The following GCC2 variants were observed in gnomAD, a reference collection of about 807,000 sequenced individuals.
GCC2 encodes the protein GRIP and coiled-coil domain containing 2, also known as GRIP and coiled-coil domain-containing protein 2.
Under a neutral mutation model 210.6 loss-of-function variants are expected in GCC2, and 120 were observed. The ratio of observed to expected loss-of-function variants is 0.57; its 90% CI spans 0.49 to 0.66. The LOEUF (loss-of-function observed/expected upper bound fraction) is 0.66, where lower values mean the gene tolerates loss of function less well. GCC2 is among the 30% of genes least tolerant of loss of function. GCC2 has a pLI of 0.00. For synonymous variants in GCC2, 703 were observed against 652.7 expected (o/e 1.08, Z -1.17); for missense variants, 1,868 against 1,871.9 (o/e 1.00, Z 0.04).
chr2:108,472,161 C>A, intron 6 of GCC2, 45 bp downstream of exon 6: 2 of 1,292,506 alleles, frequency 1.5e-6, no homozygotes, highest in Non-Finnish European at 2.1e-6. Context: ...ATTCTTAGTT[C>A]AACTCTACAA....
At chr2:108,506,875 A>G (rs553528658) in intron 22 of GCC2, among the ~76,000 whole-genome samples, 19 of 152,276 alleles carry the variant, frequency 1.2e-4, no homozygotes, top group African/African-American at 4.1e-4. Context: ...TTCAGAATAG[A>G]AGAAGAATTT....
chr2:108,485,568 T>C, intron 13 of GCC2, 68 bp from the exon 14 acceptor site: 1 of 797,438 alleles, frequency 1.3e-6, no homozygotes, highest in South Asian at 1.9e-5. Context: ...AGAAGACATA[T>C]TTGTGTATTT....
At position 108,470,536 on chromosome 2, in the gene GCC2, A is replaced by G; in HGVS notation, c.1207A>G (p.Lys403Glu). 6.2e-7 allele frequency: 1 copy of G among 1,606,410 alleles called. No individual in the cohort carries two copies. Among genetic ancestry groups the G allele is most frequent in the African/African-American group, 1.3e-5 (1 of 74,458 alleles). The change falls in exon 6 of 23, where the codon AAA becomes GAA. Residue 403 changes from lysine (K) to glutamate (E), a missense_variant. Physicochemically the swap from Lys to Glu is moderately conservative, Grantham distance 56 (BLOSUM62 1). Coordinates refer to ENST00000309863, the MANE Select transcript of GCC2 (RefSeq NM_181453.4). ...AKEEQGCVIE[K>E]LKSELAGLNK... ...AGAAGAACAGGGCTGTGTAATTGAA[A>G]AATTAAAATCTGAGCTAGCAGGTTT...
intron 13 of GCC2, among the ~76,000 whole-genome samples, 169 bp from the exon 14 acceptor site, chr2:108,485,467 G>GA (rs746836034): frequency 4.6e-5 from 7 of 152,148 alleles, no homozygotes; most frequent in Non-Finnish European, 8.8e-5. Context: ...GGGTACAGTA[G>GA]AGTTTATGGC....
At chr2:108,458,181 C>A (rs79809908) in intron 4 of GCC2, among the ~76,000 whole-genome samples, 1 of 151,972 alleles carries the variant, frequency 6.6e-6, no homozygotes, top group Non-Finnish European at 1.5e-5. Flanking sequence ...AGATGACATA[C>A]GACTTTTGCC....
At chr2:108,475,352 CA>C (rs764183320) in intron 7 of GCC2, 182 bp from the exon 8 acceptor site, 25 of 404,964 alleles carry the variant, frequency 6.2e-5, no homozygotes, top group Non-Finnish European at 8.3e-5. Flanking sequence ...AAACTTTTTA[CA>C]TTGTTTGTCT....
chr2:108,502,172 A>G (rs1415246263), intron 22 of GCC2, among the ~76,000 whole-genome samples: 1 of 152,228 alleles, frequency 6.6e-6, no homozygotes, highest in Non-Finnish European at 1.5e-5. Flanking sequence ...TTTTATAGTT[A>G]TAAAATCAAC....
In GCC2 at chr2:108,470,218, T is replaced by C. The variant is rs773271826; in HGVS notation, c.889T>C (p.Cys297Arg). 9 of 1,613,440 alleles carry C rather than the reference T, an allele frequency of 5.6e-6. No homozygotes were observed. The East Asian group carries it at 1.8e-4, about 32-fold the overall frequency. ...SEKNIQKKYE[C>R]ELENLRKATS... ...AAAGAACATCCAGAAGAAATATGAA[T>C]GTGAGTTAGAAAATTTAAGGAAAGC... Residue 297 changes from cysteine to arginine, a missense_variant, in exon 6 of 23, where the codon TGT (cysteine) becomes CGT (arginine). By Grantham distance (180) the Cys-to-Arg change is radical. This residue lies in a region of GCC2 where 1,847 missense variants were observed against 1,765.2 expected (regional missense o/e 1.05). Transcript: ENST00000309863.
chr2:108,469,102 T>C lies in GCC2; in HGVS notation c.321+18T>C. ...AGGTTGAGGTAAGTCAATATTTTAG[T>C]GTTCTTTTCTTTTTTATTAACATAT... On this transcript the variant is annotated intron_variant, in intron 5 of 22. Transcript: ENST00000309863. 3 of 1,449,592 alleles carry C rather than the reference T, an allele frequency of 2.1e-6. No individual in the cohort carries two copies. Among genetic ancestry groups the C allele is most frequent in the Non-Finnish European group, 2.9e-6 (3 of 1,032,040 alleles). The allele number at this position is 1,449,592 out of a possible 1,614,324, so 89.8% of individuals were successfully genotyped here.
intron 20 of GCC2, 79 bp from the exon 21 acceptor site, chr2:108,496,891 T>G (rs999048820): frequency 3.8e-6 from 6 of 1,585,264 alleles, no homozygotes; most frequent in East Asian, 2.3e-5. Context: ...AAGATATTTA[T>G]ATTTAGATTT....
intron 22 of GCC2, among the ~76,000 whole-genome samples, chr2:108,501,105 C>T (rs1682905563): frequency 1.3e-5 from 2 of 152,006 alleles, no homozygotes; most frequent in Admixed American, 6.5e-5. Flanking sequence ...AAGCGATTCT[C>T]CTGCCTCAGC....
intron 22 of GCC2, among the ~76,000 whole-genome samples, chr2:108,500,982 G>C (rs1190560367): frequency 6.6e-6 from 1 of 152,062 alleles, no homozygotes; most frequent in Non-Finnish European, 1.5e-5. Context: ...TGTTCCTTAA[G>C]CTTTATTTTG....
chr2:108,482,678 T>C (rs1435387771), intron 11 of GCC2, among the ~76,000 whole-genome samples: 1 of 152,146 alleles, frequency 6.6e-6, no homozygotes, highest in Non-Finnish European at 1.5e-5. Context: ...GTCAGATTTA[T>C]TTTATTTTAT....
rs1208310712 is a variant in GCC2, at chr2:108,459,865, G to A, written c.216+7399G>A. Among the ~76,000 whole-genome samples the A allele has an allele frequency of 8.8e-5, 13 of 148,050 alleles. No homozygotes were observed. In the Admixed American group the frequency reaches 9.0e-4, roughly 10 times the overall value. On this transcript the variant is annotated intron_variant, in intron 4 of 22. Transcript: ENST00000309863. ...GAATCGCTTGAACCTGGAATGCAGAGGTTGTAGTGAGCGGAGATCACGCCG... is the reference window on the plus strand; with the variant it reads ...GAATCGCTTGAACCTGGAATGCAGAAGTTGTAGTGAGCGGAGATCACGCCG...
intron 13 of GCC2, 67 bp downstream of exon 13, chr2:108,484,378 C>A: frequency 1.1e-6 from 1 of 883,428 alleles, no homozygotes; most frequent in Non-Finnish European, 1.7e-6. Flanking sequence ...TGGTGGGGGG[C>A]ATTACTTGTT....
Position 108,476,054 on chromosome 2 carries a change from C to CCTTTTTTTTTTTTT in GCC2, c.3060+204_3060+205insCTTTTTTTTTTTTT, listed in dbSNP as rs1558744710. On this transcript the variant is annotated intron_variant, in intron 9 of 22. Transcript: ENST00000309863. ...TGGTTAAGCTTTAAATAGTGGCTTG[C>CCTTTTTTTTTTTTT]TTTTTTTTTTTTTTTTTTTTTTTTT... Among the ~76,000 whole-genome samples the CCTTTTTTTTTTTTT allele has an allele frequency of 1.0e-4, 10 of 96,328 alleles. 4 individuals are homozygous for CCTTTTTTTTTTTTT. The highest frequency in any genetic ancestry group is 2.4e-4 in the Admixed American group (2 of 8,386). 63.2% of individuals were successfully genotyped at this position (96,328 alleles called of 152,430 possible).
intron 4 of GCC2, among the ~76,000 whole-genome samples, chr2:108,454,903 T>C (rs1488045090): frequency 6.6e-6 from 1 of 152,020 alleles, no homozygotes; most frequent in Non-Finnish European, 1.5e-5. Context: ...GGGATTTTTT[T>C]TTTTCTTGAG....
intron 4 of GCC2, among the ~76,000 whole-genome samples, chr2:108,461,508 T>C (rs769368329): frequency 1.3e-5 from 2 of 152,128 alleles, no homozygotes; most frequent in African/African-American, 4.8e-5. Context: ...TATTTTTTGG[T>C]TTTGTTTTGT....
chr2:108,497,901 C>A (rs761544257), intron 21 of GCC2, among the ~76,000 whole-genome samples: 1 of 152,152 alleles, frequency 6.6e-6, no homozygotes, highest in Non-Finnish European at 1.5e-5. Context: ...AAAATTTAAA[C>A]CCATAGCTGT....
Sources: gnomAD v4.1 joint callset for allele counts (sites outside exome capture counted in the v4.1 genomes callset) on GRCh38, gnomAD v4.1.1 for gene constraint, gnomAD v4.1.1 regional missense constraint, MANE v1.5 for transcripts, NCBI Gene and HGNC (gene_info 2026-07-23, HGNC 2026-07-21) for gene names.